The following EHBP1 variants were observed in gnomAD, a reference collection of about 807,000 sequenced individuals.
EHBP1 encodes EH domain binding protein 1.
In EHBP1, 55 loss-of-function variants were observed where a neutral mutation model predicts 144.0. That is an observed-to-expected ratio of 0.38 (90% CI 0.31 to 0.48). The LOEUF is 0.48. EHBP1 is among the 20% of genes least tolerant of loss of function. EHBP1 has a pLI of 0.98. For synonymous variants in EHBP1, 469 were observed against 472.7 expected (o/e 0.99, Z 0.10); for missense variants, 1,200 against 1,364.2 (o/e 0.88, Z 1.90).
chr2:63,001,522 A>C (rs2059847034), intron 19 of EHBP1, among the ~76,000 whole-genome samples: 1 of 152,170 alleles, frequency 6.6e-6, no homozygotes. Context: ...GCCCACAAAA[A>C]ATAAAAATCA....
At chr2:62,976,876 A>G (rs2058741037) in intron 14 of EHBP1, among the ~76,000 whole-genome samples, 1 of 151,936 alleles carries the variant, frequency 6.6e-6, no homozygotes, top group Non-Finnish European at 1.5e-5. Context: ...TTCTATTTCT[A>G]TTATGAGCAT....
At chr2:62,870,346 CA>C (rs1054987975) in intron 9 of EHBP1, among the ~76,000 whole-genome samples, 1 of 152,058 alleles carries the variant, frequency 6.6e-6, no homozygotes, top group Non-Finnish European at 1.5e-5. Flanking sequence ...ATCAAATGAA[CA>C]ATAATTCAGA....
chr2:62,843,137 T>C (rs1436147884), intron 7 of EHBP1, among the ~76,000 whole-genome samples: 2 of 152,228 alleles, frequency 1.3e-5, no homozygotes, highest in African/African-American at 4.8e-5. Flanking sequence ...TTTACATTTT[T>C]TATATTTTAT....
chr2:63,035,999 G>A (rs892870369), intron 19 of EHBP1, among the ~76,000 whole-genome samples: 5 of 151,916 alleles, frequency 3.3e-5, no homozygotes, highest in East Asian at 1.9e-4. Flanking sequence ...AGTCGGCTTC[G>A]TACCATTAGT....
intron 10 of EHBP1, among the ~76,000 whole-genome samples, chr2:62,896,949 A>C (rs2052987780): frequency 6.6e-6 from 1 of 152,102 alleles, no homozygotes; most frequent in South Asian, 2.1e-4. Context: ...TTCCTTTATA[A>C]ATTTTTAGCA....
rs532267003 is a variant in EHBP1 at position 62,751,016 on chromosome 2, CTA to C, written c.162+3566_162+3567del. ...ATTGCCCTAGCCAGAACTTCCAACA[CTA>C]TGTTGAATAGGAGTGGTGAGAGAGG... On this transcript the variant is annotated intron_variant, in intron 3 of 22. Transcript: ENST00000431489. 1.8e-3 allele frequency among the ~76,000 whole-genome samples: 269 copies of C among 152,276 alleles called. 1 individual carries two copies. The highest frequency in any genetic ancestry group is 0.01 in the Middle Eastern group (3 of 294).
intron 1 of EHBP1, among the ~76,000 whole-genome samples, chr2:62,676,327 T>A (rs2033293369): frequency 1.3e-5 from 2 of 152,378 alleles, no homozygotes; most frequent in Admixed American, 1.3e-4. Flanking sequence ...ATATTTCATT[T>A]GGCTTTTAAA....
chr2:62,956,727 G>A (rs2057719871), intron 14 of EHBP1, among the ~76,000 whole-genome samples: 1 of 150,662 alleles, frequency 6.6e-6, no homozygotes, highest in Non-Finnish European at 1.5e-5. Context: ...AAACTTACTG[G>A]CAAAAAACAA....
At chr2:62,762,303 C>T (rs1355002255) in intron 3 of EHBP1, among the ~76,000 whole-genome samples, 1 of 152,150 alleles carries the variant, frequency 6.6e-6, no homozygotes, top group Non-Finnish European at 1.5e-5. Flanking sequence ...TAATGTTTTT[C>T]TCCGAGACTT....
chr2:62,805,731 G>T (rs912471554), intron 5 of EHBP1, among the ~76,000 whole-genome samples: 1 of 152,002 alleles, frequency 6.6e-6, no homozygotes, highest in African/African-American at 2.4e-5. Flanking sequence ...TGGCCAGGCT[G>T]GTCTCAAGCT....
intron 10 of EHBP1, among the ~76,000 whole-genome samples, chr2:62,933,164 CAT>C (rs1483405453): frequency 1.3e-5 from 2 of 151,524 alleles, no homozygotes; most frequent in Non-Finnish European, 2.9e-5. Flanking sequence ...CACATATTAA[CAT>C]AAATAATATA....
At chr2:63,033,613 C>T (rs72890532) in intron 19 of EHBP1, among the ~76,000 whole-genome samples, 2 of 152,028 alleles carry the variant, frequency 1.3e-5, no homozygotes, top group African/African-American at 4.8e-5. Flanking sequence ...TTAGGAAAAG[C>T]TAATGAGAAG....
intron 7 of EHBP1, among the ~76,000 whole-genome samples, chr2:62,840,309 C>T (rs2047701023): frequency 7.1e-6 from 1 of 141,300 alleles, no homozygotes; most frequent in Admixed American, 7.4e-5. Flanking sequence ...AAACTGGATC[C>T]CTTCCTTACA....
chr2:62,756,553 G>A (rs1218420604), intron 3 of EHBP1, among the ~76,000 whole-genome samples: 1 of 152,126 alleles, frequency 6.6e-6, no homozygotes, highest in Non-Finnish European at 1.5e-5. Flanking sequence ...TGGATCACCT[G>A]AGGGTCAGGA....
chr2:63,041,155 CA>C (rs926380159), intron 21 of EHBP1, among the ~76,000 whole-genome samples: 1 of 149,642 alleles, frequency 6.7e-6, no homozygotes, highest in Non-Finnish European at 1.5e-5. Flanking sequence ...GGTTTGAGAG[CA>C]AAAAAAAATA....
chr2:62,996,722 G>A lies in EHBP1; in HGVS notation c.3059G>A (p.Arg1020His), dbSNP rs1287278045. Residue 1020 changes from arginine to histidine, a missense_variant, in exon 19 of 23, where the codon CGT becomes CAT. Physicochemically the swap from Arg to His is conservative, Grantham distance 29. This residue lies in a region of EHBP1 where 149 missense variants were observed against 217.0 expected (regional missense o/e 0.69). Coordinates refer to ENST00000431489, the MANE Select transcript of EHBP1 (RefSeq NM_001142616.3). ...AATGAGCAAAAGCAAATTGACACCC[G>A]TGCCGCGCTGGTGGAGAAGCGCCTT... is the stretch of plus-strand genomic sequence containing the variant. The part of the protein sequence containing the change: ...LENEQKQIDT[R>H]AALVEKRLRY... The A allele has an allele frequency of 3.1e-6, 5 of 1,612,966 alleles. No homozygotes were observed. The highest frequency in any genetic ancestry group is 2.2e-5 in the East Asian group (1 of 44,798).
intron 10 of EHBP1, among the ~76,000 whole-genome samples, chr2:62,898,095 A>G (rs539547835): frequency 1.4e-4 from 22 of 152,316 alleles, no homozygotes; most frequent in African/African-American, 5.1e-4. Flanking sequence ...GGAGATGACC[A>G]GGTCACACAG....
chr2:62,991,262 T>A (rs1045482113), intron 16 of EHBP1, among the ~76,000 whole-genome samples: 3 of 149,884 alleles, frequency 2.0e-5, no homozygotes, highest in South Asian at 4.2e-4. Flanking sequence ...AAAAAAAAAA[T>A]TAATTAATTA....
In EHBP1 at chr2:62,864,961, G is replaced by T. The variant is rs891308333; in HGVS notation, c.988G>T (p.Glu330Ter). 1 of 1,612,750 alleles carries T rather than the reference G, an allele frequency of 6.2e-7. No homozygotes were observed. The highest frequency in any genetic ancestry group is 1.3e-5 in the African/African-American group (1 of 74,782). ...YADSSKTEEE[E>*]LDESNPFYEP... is the part of the protein sequence containing the mutation. ...TGATAGTTCTAAAACTGAAGAAGAA[G>T]AATTGGATGAGTAAGTACATTTCAT... Residue 330 changes from glutamate (E) to a stop codon, truncating the protein, a stop_gained, in exon 9 of 23, where the codon GAA becomes TAA. Coordinates refer to ENST00000431489, the MANE Select transcript of EHBP1 (RefSeq NM_001142616.3). LOFTEE classifies it high-confidence loss of function.
Sources: gnomAD v4.1 joint callset for allele counts (sites outside exome capture counted in the v4.1 genomes callset) on GRCh38, gnomAD v4.1.1 for gene constraint, gnomAD v4.1.1 regional missense constraint, MANE v1.5 for transcripts, NCBI Gene and HGNC (gene_info 2026-07-23, HGNC 2026-07-21) for gene names.